The following LTF variants were observed in gnomAD, a reference collection of about 807,000 sequenced individuals.
The protein encoded by LTF is lactotransferrin.
A neutral mutation model predicts 87.2 loss-of-function variants in LTF; 91 were observed. That is an observed-to-expected ratio of 1.04 (90% confidence interval 0.88 to 1.24). The LOEUF (loss-of-function observed/expected upper bound fraction) is 1.24, where lower values mean the gene tolerates loss of function less well. LTF is among the 50% of genes most tolerant of loss of function. The pLI, the probability that LTF is intolerant of heterozygous loss-of-function variation, is 0.00. For missense variants in LTF, 901 were observed against 904.3 expected (o/e 1.00, Z 0.05); for synonymous variants, 378 against 356.1 (o/e 1.06, Z -0.69).
intron 1 of LTF, among the ~76,000 whole-genome samples, chr3:46,478,443 T>C (rs1054334924): frequency 8.5e-5 from 13 of 152,154 alleles, no homozygotes; most frequent in African/African-American, 3.1e-4. Context: ...GGTGACACAC[T>C]TTGCTCTCCA....
intron 1 of LTF, chr3:46,463,707 C>G: frequency 1.1e-6 from 1 of 952,188 alleles, no homozygotes; most frequent in Non-Finnish European, 1.3e-6. Flanking sequence ...GGCAAGGCTT[C>G]CTTCCTCTCC....
intron 2 of LTF, among the ~76,000 whole-genome samples, chr3:46,459,196 C>T (rs1703015350): frequency 6.6e-6 from 1 of 152,222 alleles, no homozygotes; most frequent in South Asian, 2.1e-4. Context: ...CTGAAAGTGT[C>T]TTGGACAAAA....
At chr3:46,483,227 C>T (rs973089243) in intron 1 of LTF, among the ~76,000 whole-genome samples, 1 of 152,192 alleles carries the variant, frequency 6.6e-6, no homozygotes, top group Non-Finnish European at 1.5e-5. Flanking sequence ...ATGTTAACAG[C>T]CAGCTCCCAT....
chr3:46,446,422 T>C lies in LTF; in HGVS notation c.1357+18A>G. ...AAGAACTTATCCTTGACCCTGAAAG[T>C]GGCTAATGCCAACTCACCTTCCACA... On this transcript the variant is annotated intron_variant, in intron 11 of 16. Coordinates refer to ENST00000231751, the MANE Select transcript of LTF (RefSeq NM_002343.6). The C allele has an allele frequency of 2.5e-6, 4 of 1,606,972 alleles. No homozygotes were observed. Among genetic ancestry groups the C allele is most frequent in the Non-Finnish European group, 3.4e-6 (4 of 1,174,894 alleles).
upstream of LTF, chr3:46,465,240 T>C (rs1703185840): frequency 3.6e-6 from 1 of 281,324 alleles, no homozygotes; most frequent in Non-Finnish European, 6.7e-6. Flanking sequence ...GGGTCTTTAC[T>C]TGAAGATCGC....
rs9819349 is a variant in LTF, at chr3:46,461,679, G to A, written c.44-1860C>T. Among the ~76,000 whole-genome samples the A allele has an allele frequency of 4.2e-3, 640 of 152,258 alleles. 5 individuals are homozygous for A. The highest frequency in any genetic ancestry group is 0.014 in the African/African-American group (592 of 41,546). Reference sequence around the variant, plus strand: ...GGCATGAGGGACCTTTACTGGGGGGGATAAAAGTGTTCTAAAACAGATTTA... The same window carrying A: ...GGCATGAGGGACCTTTACTGGGGGGAATAAAAGTGTTCTAAAACAGATTTA... On this transcript the variant is annotated intron_variant, in intron 1 of 16. Coordinates refer to ENST00000231751, the MANE Select transcript of LTF (RefSeq NM_002343.6).
chr3:46,446,829 T>G (rs1042703144), intron 10 of LTF, among the ~76,000 whole-genome samples: 2 of 152,110 alleles, frequency 1.3e-5, no homozygotes, highest in Non-Finnish European at 2.9e-5. Context: ...AAACCAGACA[T>G]AAAAAAACAC....
intron 1 of LTF, among the ~76,000 whole-genome samples, chr3:46,464,138 A>T (rs1453843957): frequency 6.6e-6 from 1 of 152,160 alleles, no homozygotes; most frequent in Admixed American, 6.5e-5. Context: ...TAGGTCACTA[A>T]TGTGCAGCGC....
In LTF at chr3:46,445,296, C is replaced by T; in HGVS notation, c.1498G>A (p.Gly500Ser). The T allele has an allele frequency of 1.2e-6, 2 of 1,610,128 alleles. No individual in the cohort carries two copies. The highest frequency in any genetic ancestry group is 2.2e-5 in the East Asian group (1 of 44,626). Residue 500 changes from glycine to serine, a missense_variant, in exon 12 of 17, where the codon GGC becomes AGC. Gly to Ser is a moderately conservative substitution (Grantham distance 56). Coordinates refer to ENST00000231751, the MANE Select transcript of LTF (RefSeq NM_002343.6). ...IPMGLLFNQT[G>S]SCKFDEYFSQ... Reference sequence around the variant, plus strand: ...AACTCCTTACCAAATTTGCAGGAGCCCGTCTGGTTGAAGAGCAGGCCCATG... The same window carrying T: ...AACTCCTTACCAAATTTGCAGGAGCTCGTCTGGTTGAAGAGCAGGCCCATG...
At chr3:46,461,115 C>T (rs917668370) in intron 1 of LTF, among the ~76,000 whole-genome samples, 16 of 152,204 alleles carry the variant, frequency 1.1e-4, no homozygotes, top group Admixed American at 1.0e-3. Flanking sequence ...TATCATTTCA[C>T]AGCCACTGAA....
chr3:46,472,543 A>T (rs1703307504), intron 1 of LTF, among the ~76,000 whole-genome samples: 1 of 150,868 alleles, frequency 6.6e-6, no homozygotes, highest in African/African-American at 2.4e-5. Context: ...AGAGAGAGAG[A>T]GAGAGAGAGA....
intron 12 of LTF, among the ~76,000 whole-genome samples, chr3:46,444,938 A>C (rs533343595): frequency 2.0e-4 from 31 of 152,350 alleles, no homozygotes; most frequent in African/African-American, 7.5e-4. Context: ...CCAAGCTGGG[A>C]AGCCAGAGTT....
intron 1 of LTF, among the ~76,000 whole-genome samples, chr3:46,482,439 C>T (rs1371731777): frequency 1.4e-5 from 2 of 145,734 alleles, no homozygotes; most frequent in East Asian, 2.0e-4. Flanking sequence ...CATTGAACTC[C>T]AGCCTGGACA....
At chr3:46,445,922 A>T (rs1251004049) in intron 11 of LTF, among the ~76,000 whole-genome samples, 2 of 152,232 alleles carry the variant, frequency 1.3e-5, no homozygotes, top group African/African-American at 2.4e-5. Context: ...GCACTGGTTG[A>T]ACTCAACATG....
At chr3:46,443,655 A>T in intron 12 of LTF, 73 bp from the exon 13 acceptor site, 2 of 1,516,232 alleles carry the variant, frequency 1.3e-6, no homozygotes, top group Non-Finnish European at 9.1e-7. Context: ...CTAACAGCCG[A>T]TGCAGGGTGG....
At chr3:46,457,321 G>A (rs551758720) in intron 2 of LTF, among the ~76,000 whole-genome samples, 5 of 152,188 alleles carry the variant, frequency 3.3e-5, no homozygotes, top group African/African-American at 7.2e-5. Context: ...GTGTTCTATC[G>A]TGTATTGAAT....
chr3:46,439,094 C>G (rs780530372), intron 15 of LTF, among the ~76,000 whole-genome samples: 2 of 152,112 alleles, frequency 1.3e-5, no homozygotes, highest in African/African-American at 2.4e-5. Context: ...GGAGTGAGTC[C>G]CAGAAAGCCC....
At chr3:46,443,334 C>T (rs1248971493) in intron 13 of LTF, 107 bp downstream of exon 13, 6 of 1,364,662 alleles carry the variant, frequency 4.4e-6, no homozygotes, top group Non-Finnish European at 6.2e-6. Flanking sequence ...ACAGGATGAC[C>T]CCCACTCTGC....
At position 46,446,395 on chromosome 3, in the gene LTF, A is replaced by C. The variant is rs755209859; in HGVS notation, c.1357+45T>G. 6 of 1,534,258 alleles carry C rather than the reference A, an allele frequency of 3.9e-6. No homozygotes were observed. The Admixed American group carries it at 1.0e-4, about 27-fold the overall frequency. On this transcript the variant is annotated intron_variant, in intron 11 of 16. Transcript: ENST00000231751. Reference sequence around the variant, plus strand: ...GTTCCTGCCACTTCCTCTTCCAGCAACAAGAACTTATCCTTGACCCTGAAA... The same window carrying C: ...GTTCCTGCCACTTCCTCTTCCAGCACCAAGAACTTATCCTTGACCCTGAAA...
Sources: allele counts gnomAD v4.1 joint callset (sites outside exome capture counted in the v4.1 genomes callset), GRCh38; gene constraint gnomAD v4.1.1; transcripts MANE v1.5; gene names NCBI Gene and HGNC (gene_info 2026-07-23, HGNC 2026-07-21).